The following XPOT variants were observed in gnomAD, a reference collection of about 807,000 sequenced individuals.
XPOT encodes the protein exportin-T.
In XPOT, 34 loss-of-function variants were observed where a neutral mutation model predicts 128.2. The ratio of observed to expected loss-of-function variants is 0.27; its 90% CI spans 0.20 to 0.35. The LOEUF is 0.35. Among genes scored for constraint, XPOT ranks in the 10% least tolerant of loss-of-function variants. The pLI is 1.00. For missense variants in XPOT, 838 were observed against 1,125.3 expected (o/e 0.74, Z 3.65); for synonymous variants, 348 against 394.3 (o/e 0.88, Z 1.39).
intron 2 of XPOT, 108 bp downstream of exon 2, chr12:64,410,203 AG>A: frequency 1.1e-6 from 1 of 944,540 alleles, no homozygotes; most frequent in Non-Finnish European, 1.6e-6. Flanking sequence ...AGAAATGAAC[AG>A]AAACAAAAAA....
intron 24 of XPOT, among the ~76,000 whole-genome samples, 197 bp from the exon 25 acceptor site, chr12:64,447,908 A>C (rs541208243): frequency 5.3e-5 from 8 of 152,226 alleles, no homozygotes; most frequent in Non-Finnish European, 7.3e-5. Flanking sequence ...TGATGTCAGC[A>C]TAAGTTATAT....
rs2040092464 is a variant in XPOT, at chr12:64,416,900, G to A, written c.200+146G>A. 13 of 759,938 alleles carry A rather than the reference G, an allele frequency of 1.7e-5. No homozygotes were observed. In the South Asian group the frequency reaches 2.3e-4, roughly 13 times the overall value. The allele number at this position is 759,938 out of a possible 1,614,324, so 47.1% of individuals were successfully genotyped here. ...ATCCAGGTTATAGATACGTTTTGAT[G>A]TACCCCAAAGTGTTTTAAAAGTGCT... On this transcript the variant is annotated intron_variant, in intron 4 of 24. Transcript: ENST00000332707.
intron 1 of XPOT, chr12:64,405,393 G>A (rs1397183267): frequency 6.6e-6 from 1 of 152,026 alleles, no homozygotes; most frequent in Admixed American, 6.6e-5. Context: ...GGAGAGTTAC[G>A]TTTTATTAAA....
At chr12:64,406,752 C>T (rs186034532) in intron 1 of XPOT, among the ~76,000 whole-genome samples, 7 of 152,134 alleles carry the variant, frequency 4.6e-5, no homozygotes, top group African/African-American at 1.7e-4. Context: ...TTAGAAACTC[C>T]GAAATCGTTT....
intron 22 of XPOT, among the ~76,000 whole-genome samples, chr12:64,436,790 A>G (rs1479213390): frequency 6.6e-6 from 1 of 152,144 alleles, no homozygotes; most frequent in African/African-American, 2.4e-5. Flanking sequence ...CATTGTCCCT[A>G]CACTGGTCTT....
chr12:64,425,820 T>C lies in XPOT; in HGVS notation c.1578T>C (p.Ala526=), dbSNP rs1229916042. The change falls in exon 15 of 25, where the codon GCT becomes GCC. Residue 526 remains alanine (A), a synonymous_variant. Coordinates refer to ENST00000332707, the MANE Select transcript of XPOT (RefSeq NM_007235.6). The stretch of plus-strand genomic sequence containing the variant: ...AAAAGTGTCTCCTTCTTTAGATGGC[T>C]TTCTTAGATCACAGAGGTCTGCGGC... ...EPQHIPCVLM[A]FLDHRGLRHS... 17 of 1,613,784 alleles carry C rather than the reference T, an allele frequency of 1.1e-5. No individual in the cohort carries two copies. The Admixed American group carries it at 1.3e-4, about 13-fold the overall frequency.
chr12:64,438,054 T>C (rs2040296854), intron 22 of XPOT, among the ~76,000 whole-genome samples: 3 of 152,034 alleles, frequency 2.0e-5, no homozygotes, highest in African/African-American at 7.2e-5. Flanking sequence ...GAAGACAGTC[T>C]CAAGAGAGGA....
At chr12:64,436,138 G>C (rs1281622582) in intron 22 of XPOT, among the ~76,000 whole-genome samples, 1 of 152,002 alleles carries the variant, frequency 6.6e-6, no homozygotes, top group African/African-American at 2.4e-5. Context: ...TATATTGTTA[G>C]TAGAAACAGG....
chr12:64,429,300 C>T (rs1182061262), intron 16 of XPOT, among the ~76,000 whole-genome samples: 2 of 152,112 alleles, frequency 1.3e-5, no homozygotes, highest in East Asian at 3.9e-4. Context: ...GGATGGTGCC[C>T]GCCAACACTG....
chr12:64,423,065 T>C lies in XPOT; in HGVS notation c.1119+22T>C, dbSNP rs141344622. On this transcript the variant is annotated intron_variant, in intron 10 of 24. Coordinates refer to ENST00000332707, the MANE Select transcript of XPOT (RefSeq NM_007235.6). ...AGAGGTAATTGACTTTATGCTTCTT[T>C]TAAACCAATGATAGATTTTTAGTCT... The C allele has an allele frequency of 3.8e-4, 609 of 1,612,462 alleles. 1 individual carries two copies. The African/African-American group carries it at 7.4e-3, about 20-fold the overall frequency.
chr12:64,445,643 CTG>C (rs914623523), intron 24 of XPOT, among the ~76,000 whole-genome samples: 3 of 152,164 alleles, frequency 2.0e-5, no homozygotes, highest in Admixed American at 1.3e-4. Context: ...TGAGATGAAA[CTG>C]TCTTGGTCTT....
intron 9 of XPOT, 147 bp downstream of exon 9, chr12:64,421,618 C>A: frequency 3.5e-6 from 2 of 565,484 alleles, no homozygotes; most frequent in Non-Finnish European, 6.1e-6. Context: ...GTATTTCCAT[C>A]TTAAAAAAAA....
chr12:64,421,242 A>G lies in XPOT; in HGVS notation c.851A>G (p.Asp284Gly). The G allele has an allele frequency of 6.2e-7, 1 of 1,613,144 alleles. No homozygotes were observed. Among genetic ancestry groups the G allele is most frequent in the Non-Finnish European group, 8.5e-7 (1 of 1,179,186 alleles). The part of the protein sequence containing the change: ...AGFFSIDQEE[D>G]VDFLARFSKL... ...TGTCTTGATTGCTTATAGGAAGAAG[A>G]TGTTGACTTCCTGGCCAGATTTTCT... Residue 284 changes from aspartate to glycine, a missense_variant, in exon 9 of 25, where the codon GAT becomes GGT. By Grantham distance (94) the Asp-to-Gly change is moderately conservative. Transcript: ENST00000332707.
chr12:64,432,935 T>A (rs2040251225), intron 18 of XPOT, among the ~76,000 whole-genome samples: 1 of 152,148 alleles, frequency 6.6e-6, no homozygotes, highest in Admixed American at 6.6e-5. Flanking sequence ...TAGTAATATT[T>A]TTTAAGGTTT....
At chr12:64,419,115 T>A (rs1324259885) in intron 6 of XPOT, 21 bp downstream of exon 6, 1 of 1,594,362 alleles carries the variant, frequency 6.3e-7, no homozygotes, top group African/African-American at 1.3e-5. Context: ...AACCATGAAT[T>A]TTTTATATTT....
intron 3 of XPOT, among the ~76,000 whole-genome samples, chr12:64,415,596 G>T (rs913742263): frequency 6.6e-6 from 1 of 152,042 alleles, no homozygotes; most frequent in African/African-American, 2.4e-5. Flanking sequence ...GGCCAGGATG[G>T]TCTCGATCTC....
intron 4 of XPOT, among the ~76,000 whole-genome samples, chr12:64,417,111 G>A (rs1054700486): frequency 1.9e-4 from 29 of 152,340 alleles, no homozygotes; most frequent in Middle Eastern, 6.8e-3. Context: ...CAGCTACTCA[G>A]GAGACTGAGG....
At position 64,433,481 on chromosome 12, in the gene XPOT, T is replaced by A. The variant is rs371933906; in HGVS notation, c.2330T>A (p.Leu777His). 6.8e-6 allele frequency: 11 copies of A among 1,610,628 alleles called. No homozygotes were observed. Among genetic ancestry groups the A allele is most frequent in the Non-Finnish European group, 8.5e-6 (10 of 1,177,948 alleles). ...CTTCATGCAATTTTTGAAGTGCTGCTCCGGCCAGCAGAAGAAAATGACCAG... is the reference window on the plus strand; with the variant it reads ...CTTCATGCAATTTTTGAAGTGCTGCACCGGCCAGCAGAAGAAAATGACCAG... Reference protein sequence around the residue: ...PLLHAIFEVLLRPAEENDQSA... With the variant: ...PLLHAIFEVLHRPAEENDQSA... Residue 777 changes from leucine (L) to histidine (H), a missense_variant, in exon 19 of 25, where the codon CTC becomes CAC. Coordinates refer to ENST00000332707, the MANE Select transcript of XPOT (RefSeq NM_007235.6).
intron 1 of XPOT, among the ~76,000 whole-genome samples, chr12:64,409,293 C>T (rs2040012991): frequency 1.3e-5 from 2 of 152,144 alleles, no homozygotes; most frequent in Non-Finnish European, 2.9e-5. Context: ...ACTGCAGTTG[C>T]ACAATTGCAT....
Sources: gnomAD v4.1 joint callset for allele counts (sites outside exome capture counted in the v4.1 genomes callset) on GRCh38, gnomAD v4.1.1 for gene constraint, MANE v1.5 for transcripts, NCBI Gene and HGNC (gene_info 2026-07-23, HGNC 2026-07-21) for gene names.